The following UNC45A variants were observed in gnomAD, a reference collection of about 807,000 sequenced individuals.
UNC45A encodes unc-45 myosin chaperone A.
Under a neutral mutation model 103.2 loss-of-function variants are expected in UNC45A, and 78 were observed. That is an observed-to-expected ratio of 0.76 (90% CI 0.63 to 0.91). UNC45A has a LOEUF of 0.91. UNC45A is among the 40% of genes least tolerant of loss of function. The probability of loss-of-function intolerance (pLI) is 0.00; values close to 1 mark genes in which losing one functional copy is unlikely to be tolerated. For missense variants in UNC45A, 1,193 were observed against 1,224.8 expected, an observed-to-expected ratio of 0.97 and a Z score of 0.39; for synonymous variants, 495 against 504.6, an observed-to-expected ratio of 0.98 and a Z score of 0.25.
chr15:90,931,061 A>C (rs1231154422), upstream of UNC45A: 1 of 563,810 alleles, frequency 1.8e-6, no homozygotes, highest in Admixed American at 3.1e-5. Flanking sequence ...CGGTGAGTGC[A>C]TCAGAAATGG....
intron 6 of UNC45A, among the ~76,000 whole-genome samples, chr15:90,941,958 C>CAAAAAAAAAAAA (rs369044240): frequency 1.5e-5 from 1 of 68,786 alleles, no homozygotes; most frequent in African/African-American, 5.5e-5. Context: ...GACTCCGTCT[C>CAAAAAAAAAAAA]AAAAAAAAAA....
intron 8 of UNC45A, among the ~76,000 whole-genome samples, chr15:90,944,650 C>G (rs542948067): frequency 1.3e-4 from 20 of 152,224 alleles, no homozygotes; most frequent in African/African-American, 4.8e-4. Context: ...AGCTCCAGAG[C>G]GTTTGGCCCC....
In UNC45A at chr15:90,947,733, G is replaced by A. The variant is rs1390348674; in HGVS notation, c.1501-63G>A. ...GCCAGGGAGGGAGTCCAAGCCAGGT[G>A]TGGAGGAGCTCAGCTCCTGCCTCCT... On this transcript the variant is annotated intron_variant, in intron 10 of 19. Transcript: ENST00000418476. The A allele has an allele frequency of 5.5e-6, 7 of 1,262,704 alleles. No homozygotes were observed. In the African/African-American group the frequency reaches 1.0e-4, roughly 19 times the overall value. 78.2% of individuals were successfully genotyped at this position (1,262,704 alleles called of 1,614,324 possible).
upstream of UNC45A, chr15:90,932,046 GA>G (rs2035815883): frequency 6.2e-7 from 1 of 1,613,732 alleles, no homozygotes; most frequent in Non-Finnish European, 8.5e-7. Flanking sequence ...AGAGAAGGGG[GA>G]AAGTTACCTG....
intron 17 of UNC45A, among the ~76,000 whole-genome samples, chr15:90,951,458 G>A (rs1473714626): frequency 1.1e-4 from 17 of 152,174 alleles, no homozygotes; most frequent in Non-Finnish European, 7.3e-5. Context: ...CCAGGTGCCT[G>A]GTCAGGGTAA....
chr15:90,940,365 G>A lies in UNC45A; in HGVS notation c.579G>A (p.Arg193=). The A allele has an allele frequency of 1.9e-6, 3 of 1,614,188 alleles. No homozygotes were observed. The highest frequency in any genetic ancestry group is 2.5e-6 in the Non-Finnish European group (3 of 1,180,028). The change falls in exon 6 of 20, where the codon CGG becomes CGA. Residue 193 remains arginine (R), a synonymous_variant. Coordinates refer to ENST00000418476, the MANE Select transcript of UNC45A (RefSeq NM_018671.5). The stretch of plus-strand genomic sequence containing the variant: ...ATGCTGGAGCGGAGAAGATCTTCCG[G>A]AGTAATGGGGTTCAGCTCTTGCAAC... ...REDAGAEKIF[R]SNGVQLLQRL...
chr15:90,947,887 G>A lies in UNC45A; in HGVS notation c.1592G>A (p.Arg531Gln), dbSNP rs201720293. Reference sequence around the variant, plus strand: ...ACTCTCAAACTGGCTAAGCAGTGTCGAAAGTGAGTCATCTGGCCTTGCTGT... The same window carrying A: ...ACTCTCAAACTGGCTAAGCAGTGTCAAAAGTGAGTCATCTGGCCTTGCTGT... Reference protein sequence around the residue: ...GSTLKLAKQCRKWLCNDQIDA... With the variant: ...GSTLKLAKQCQKWLCNDQIDA... The change falls in exon 11 of 20, where the codon CGA becomes CAA. Residue 531 changes from arginine to glutamine, a missense_variant. Arg to Gln is a conservative substitution (Grantham distance 43). Coordinates refer to ENST00000418476, the MANE Select transcript of UNC45A (RefSeq NM_018671.5). The A allele has an allele frequency of 1.9e-4, 310 of 1,613,150 alleles. No individual in the cohort carries two copies. Among genetic ancestry groups the A allele is most frequent in the Admixed American group, 1.2e-3 (74 of 60,008 alleles).
At chr15:90,938,745 G>C (rs977429061) in intron 4 of UNC45A, among the ~76,000 whole-genome samples, 1 of 152,062 alleles carries the variant, frequency 6.6e-6, no homozygotes, top group African/African-American at 2.4e-5. Flanking sequence ...GATCTCTGCT[G>C]ACTGCAACCT....
upstream of UNC45A, chr15:90,932,607 G>T: frequency 2.0e-6 from 2 of 986,758 alleles, no homozygotes; most frequent in East Asian, 3.3e-5. Flanking sequence ...GCCCCCTGGC[G>T]CCGGGGAGGC....
At chr15:90,951,363 C>T (rs149998080) in intron 17 of UNC45A, among the ~76,000 whole-genome samples, 24 of 152,278 alleles carry the variant, frequency 1.6e-4, no homozygotes, top group African/African-American at 5.8e-4. Flanking sequence ...TTACTTAGCC[C>T]GTTTCCTATT....
chr15:90,951,309 T>C (rs975657154), intron 17 of UNC45A, among the ~76,000 whole-genome samples: 1 of 152,192 alleles, frequency 6.6e-6, no homozygotes, highest in African/African-American at 2.4e-5. Flanking sequence ...CTGGCCAGCA[T>C]GTTTTAGTTT....
At chr15:90,949,079 T>C (rs1325773760) in intron 13 of UNC45A, among the ~76,000 whole-genome samples, 2 of 152,044 alleles carry the variant, frequency 1.3e-5, no homozygotes, top group African/African-American at 2.4e-5. Flanking sequence ...TGTTTCACCG[T>C]GTTAGCCAGG....
rs112599276 is a variant in UNC45A, at chr15:90,936,297, A to T, written c.263A>T (p.Asp88Val). The change falls in exon 4 of 20, where the codon GAT becomes GTT. Residue 88 changes from aspartate to valine, a missense_variant. Transcript: ENST00000418476. ...ETEASKAIEKDGGDVKALYRR... is the reference protein window; with the variant it reads ...ETEASKAIEKVGGDVKALYRR... ...TGTTTGTGCTCAGCCATTGAAAAGGATGGTGGGGATGTCAAAGCACTCTAC... is the reference window on the plus strand; with the variant it reads ...TGTTTGTGCTCAGCCATTGAAAAGGTTGGTGGGGATGTCAAAGCACTCTAC... The T allele has an allele frequency of 6.2e-7, 1 of 1,613,278 alleles. No homozygotes were observed. Among genetic ancestry groups the T allele is most frequent in the East Asian group, 2.2e-5 (1 of 44,866 alleles).
At chr15:90,949,858 A>C in intron 15 of UNC45A, 138 bp downstream of exon 15, 1 of 959,604 alleles carries the variant, frequency 1.0e-6, no homozygotes, top group Non-Finnish European at 1.6e-6. Flanking sequence ...CGTCCCGCTG[A>C]GAGAGTGACG....
chr15:90,934,781 G>A, upstream of UNC45A: 2 of 402,032 alleles, frequency 5.0e-6, no homozygotes, highest in Non-Finnish European at 8.8e-6. Flanking sequence ...GCTCTAGGAT[G>A]AGCTCCTAAA....
chr15:90,946,528 G>T, intron 9 of UNC45A, 86 bp from the exon 10 acceptor site: 1 of 1,427,186 alleles, frequency 7.0e-7, no homozygotes. Flanking sequence ...AGTAGTGCAG[G>T]TGCCTGGCCA....
upstream of UNC45A, chr15:90,931,351 T>G (rs1354340201): frequency 1.9e-6 from 3 of 1,553,082 alleles, no homozygotes; most frequent in Non-Finnish European, 2.6e-6. Context: ...CTGAAGCCCC[T>G]TCACCACCTG....
At chr15:90,932,356 C>A, upstream of UNC45A, 6 of 936,518 alleles carry the variant, frequency 6.4e-6, no homozygotes, top group Non-Finnish European at 7.4e-6. Context: ...ATGAGGTGCA[C>A]GCCCCCCACG....
chr15:90,934,446 T>C, upstream of UNC45A: 1 of 399,034 alleles, frequency 2.5e-6, no homozygotes, highest in Non-Finnish European at 4.4e-6. Context: ...GGAAGCCTAC[T>C]GCTGCCACCT....
Sources: allele counts gnomAD v4.1 joint callset (sites outside exome capture counted in the v4.1 genomes callset), GRCh38; gene constraint gnomAD v4.1.1; transcripts MANE v1.5; gene names NCBI Gene and HGNC (gene_info 2026-07-23, HGNC 2026-07-21).